SLC7A14: variants seen among roughly 807,000 people sequenced by gnomAD.
SLC7A14 encodes the protein solute carrier family 7 member 14, also known as gamma-aminobutyric acid transporter SLC7A14.
A neutral mutation model predicts 60.2 loss-of-function variants in SLC7A14; 37 were observed. The ratio of observed to expected loss-of-function variants is 0.61; its 90% CI spans 0.47 to 0.81. SLC7A14 has a LOEUF of 0.81. Among genes scored for constraint, SLC7A14 ranks in the 30% least tolerant of loss-of-function variants. The pLI is 0.00. For missense variants in SLC7A14, 886 were observed against 982.7 expected (o/e 0.90, Z 1.32); for synonymous variants, 399 against 395.8 (o/e 1.01, Z -0.10).
At chr3:170,467,479 T>TGGGG in intron 7 of SLC7A14, 102 bp from the exon 8 acceptor site, 1 of 42,472 alleles carries the variant, frequency 2.4e-5, no homozygotes, top group Non-Finnish European at 4.8e-5. Context: ...GCTGGCGGGG[T>TGGGG]GGGGGGCGGT....
intron 7 of SLC7A14, among the ~76,000 whole-genome samples, chr3:170,469,157 C>G (rs1378221879): frequency 6.6e-6 from 1 of 152,198 alleles, no homozygotes; most frequent in African/African-American, 2.4e-5. Flanking sequence ...GCACCAGTCT[C>G]TTTGACTTTG....
chr3:170,468,494 C>A (rs1739789351), intron 7 of SLC7A14, among the ~76,000 whole-genome samples: 1 of 152,110 alleles, frequency 6.6e-6, no homozygotes, highest in Non-Finnish European at 1.5e-5. Context: ...TGGAGTTTCA[C>A]CATGTTGCCC....
chr3:170,469,559 G>C (rs1038781965), intron 7 of SLC7A14, among the ~76,000 whole-genome samples: 1 of 152,110 alleles, frequency 6.6e-6, no homozygotes, highest in East Asian at 1.9e-4. Flanking sequence ...TCACATTAAG[G>C]CCTCTTCTAA....
At chr3:170,580,641 A>G (rs1004424518) in intron 1 of SLC7A14, among the ~76,000 whole-genome samples, 2 of 152,210 alleles carry the variant, frequency 1.3e-5, no homozygotes, top group African/African-American at 4.8e-5. Flanking sequence ...GGTAGCATCT[A>G]TACCTTTGTT....
intron 7 of SLC7A14, among the ~76,000 whole-genome samples, chr3:170,474,371 G>A (rs559316897): frequency 5.9e-5 from 9 of 152,224 alleles, no homozygotes; most frequent in African/African-American, 9.6e-5. Context: ...TGAGTGCTCC[G>A]CCCGCTCTGC....
At position 170,459,849 on chromosome 3, in the gene SLC7A14, A is replaced by G. The variant is rs1739558345; in HGVS notation, c.*7206T>C. The G allele has an allele frequency of 1.3e-5, 2 of 152,064 alleles. No homozygotes were observed. The highest frequency in any genetic ancestry group is 1.3e-4 in the Admixed American group (2 of 15,268). 9.4% of individuals were successfully genotyped at this position (152,064 alleles called of 1,614,324 possible). A position where few individuals can be genotyped will look rare whatever the true frequency, so the allele number is the denominator to read the frequency against. On this transcript the variant is annotated 3_prime_UTR_variant, in exon 8 of 8. Transcript: ENST00000231706. ...CTTTACATTACTATGGATATTTTAT[A>G]GTAAGACACTTTTGTTTCTGACTTT...
intron 7 of SLC7A14, among the ~76,000 whole-genome samples, chr3:170,472,247 G>A (rs1006208576): frequency 6.6e-6 from 1 of 151,714 alleles, no homozygotes; most frequent in African/African-American, 2.4e-5. Flanking sequence ...GCGGGCACTG[G>A]TAATCCAGCT....
chr3:170,580,002 G>A (rs114532548), intron 1 of SLC7A14, among the ~76,000 whole-genome samples: 3,428 of 152,302 alleles, frequency 0.023, 143 homozygotes, highest in African/African-American at 0.079. Flanking sequence ...AGGGCTAGAA[G>A]TGTGGTTATT....
At chr3:170,521,028 A>G (rs903562768) in intron 2 of SLC7A14, among the ~76,000 whole-genome samples, 11 of 152,222 alleles carry the variant, frequency 7.2e-5, no homozygotes, top group African/African-American at 2.7e-4. Context: ...ACAATCTGCA[A>G]TATACAAAAG....
intron 1 of SLC7A14, among the ~76,000 whole-genome samples, chr3:170,581,760 A>G (rs771951805): frequency 2.0e-5 from 3 of 152,156 alleles, no homozygotes; most frequent in Non-Finnish European, 2.9e-5. Flanking sequence ...GAGTTTTACA[A>G]TAGTCCTTTG....
chr3:170,482,568 A>C (rs1711867821), intron 6 of SLC7A14, among the ~76,000 whole-genome samples: 1 of 152,260 alleles, frequency 6.6e-6, no homozygotes, highest in Non-Finnish European at 1.5e-5. Flanking sequence ...GGCTGGGGCC[A>C]CATCCCCTTT....
At chr3:170,545,313 T>C (rs1169597275) in intron 1 of SLC7A14, among the ~76,000 whole-genome samples, 1 of 152,212 alleles carries the variant, frequency 6.6e-6, no homozygotes, top group African/African-American at 2.4e-5. Flanking sequence ...CCCTCTGCCA[T>C]CTACTCTTGG....
intron 4 of SLC7A14, among the ~76,000 whole-genome samples, chr3:170,491,008 C>T (rs1712199219): frequency 6.6e-6 from 1 of 152,178 alleles, no homozygotes; most frequent in South Asian, 2.1e-4. Flanking sequence ...TCCTTCTACT[C>T]CCCTACCTTC....
chr3:170,493,617 C>T (rs763669534), intron 4 of SLC7A14, among the ~76,000 whole-genome samples: 2 of 152,154 alleles, frequency 1.3e-5, no homozygotes, highest in African/African-American at 4.8e-5. Flanking sequence ...CTTCTGTAGA[C>T]GATTTTTAGG....
chr3:170,491,682 C>G (rs74734979), intron 4 of SLC7A14, among the ~76,000 whole-genome samples: 18,513 of 152,058 alleles, frequency 0.12, 1,305 homozygotes, highest in Admixed American at 0.19. Flanking sequence ...CTAGAAGTAG[C>G]GGCCTTGTGG....
At chr3:170,563,481 G>C (rs1201975205) in intron 1 of SLC7A14, among the ~76,000 whole-genome samples, 1 of 146,524 alleles carries the variant, frequency 6.8e-6, no homozygotes, top group Non-Finnish European at 1.5e-5. Context: ...GCAATGGTGC[G>C]ATCTCGGCTC....
intron 2 of SLC7A14, among the ~76,000 whole-genome samples, chr3:170,507,812 G>A (rs1165880593): frequency 6.6e-6 from 1 of 152,160 alleles, no homozygotes; most frequent in African/African-American, 2.4e-5. Context: ...AAAAGCAGGT[G>A]GCTCCGTTTG....
chr3:170,502,042 T>TA (rs1712625178), intron 2 of SLC7A14, among the ~76,000 whole-genome samples: 1 of 152,188 alleles, frequency 6.6e-6, no homozygotes, highest in African/African-American at 2.4e-5. Context: ...TGTAAAAATG[T>TA]ATAACAATGA....
chr3:170,576,973 C>T (rs1715109644), intron 1 of SLC7A14, among the ~76,000 whole-genome samples: 1 of 152,196 alleles, frequency 6.6e-6, no homozygotes, highest in African/African-American at 2.4e-5. Context: ...TAAATCCAAG[C>T]TCTTCTTAAC....
Sources: allele counts gnomAD v4.1 joint callset (sites outside exome capture counted in the v4.1 genomes callset), GRCh38; gene constraint gnomAD v4.1.1; transcripts MANE v1.5; gene names NCBI Gene and HGNC (gene_info 2026-07-23, HGNC 2026-07-21).